Variants in UNK observed in about 807,000 individuals in gnomAD.
UNK encodes the protein RING finger protein unkempt homolog.
UNK carries 32 observed loss-of-function variants against 97.6 expected under a neutral mutation model. That is an observed-to-expected ratio of 0.33 (90% CI 0.25 to 0.44). The LOEUF (loss-of-function observed/expected upper bound fraction) is 0.44. Ranked by LOEUF, UNK falls within the 20% of genes least tolerant of loss-of-function variation. The probability of loss-of-function intolerance (pLI) is 1.00; values close to 1 mark genes in which losing one functional copy is unlikely to be tolerated. For missense variants in UNK, 771 were observed against 1,098.4 expected (o/e 0.70, Z 4.21); for synonymous variants, 441 against 461.2 (o/e 0.96, Z 0.56).
Position 75,818,530 on chromosome 17 carries a change from G to A in UNK, c.1372-112G>A. 7.8e-7 allele frequency: 1 copy of A among 1,280,030 alleles called. No individual in the cohort carries two copies. Among genetic ancestry groups the A allele is most frequent in the Non-Finnish European group, 1.1e-6 (1 of 946,178 alleles). The allele number at this position is 1,280,030 out of a possible 1,614,324, so 79.3% of individuals were successfully genotyped here. On this transcript the variant is annotated intron_variant, in intron 10 of 15. Transcript: ENST00000589666. The surrounding 1 kb of genome is among the most constrained non-coding windows in gnomAD (Gnocchi z 5.1). Reference sequence around the variant, plus strand: ...GCCCATGTGGGCATGGGGGCACCCGGACTAGAGCTAGCACGGGCCATTTCC... The same window carrying A: ...GCCCATGTGGGCATGGGGGCACCCGAACTAGAGCTAGCACGGGCCATTTCC...
At chr17:75,792,315 A>G (rs1415532024) in intron 1 of UNK, 1 of 985,046 alleles carries the variant, frequency 1.0e-6, no homozygotes, top group Admixed American at 6.2e-5. Context: ...TAATCCAGCT[A>G]TGGTTGATAC....
At chr17:75,801,843 C>G (rs2061862148) in intron 1 of UNK, among the ~76,000 whole-genome samples, 1 of 148,158 alleles carries the variant, frequency 6.7e-6, no homozygotes, top group Non-Finnish European at 1.5e-5. Context: ...GCACCCGGCT[C>G]CCCCCAGCCT....
intron 1 of UNK, among the ~76,000 whole-genome samples, chr17:75,796,379 C>T (rs929013544): frequency 4.0e-5 from 6 of 150,200 alleles, no homozygotes; most frequent in African/African-American, 1.2e-4. Context: ...AGTGCAGTGA[C>T]GTAATCATAG....
rs1486111895 is a variant in UNK, at chr17:75,798,261, G to A, written c.105-11499G>A. On this transcript the variant is annotated intron_variant, in intron 1 of 15. Transcript: ENST00000589666. Reference sequence around the variant, plus strand: ...AATTTTTGTATTTTTTAGTAGAGACGGGGTTTCGCCACGTTGGCCAGGCTG... The same window carrying A: ...AATTTTTGTATTTTTTAGTAGAGACAGGGTTTCGCCACGTTGGCCAGGCTG... Among the ~76,000 whole-genome samples the A allele has an allele frequency of 3.9e-5, 6 of 152,182 alleles. No individual in the cohort carries two copies. In the East Asian group the frequency reaches 9.7e-4, roughly 25 times the overall value.
Position 75,818,534 on chromosome 17 carries a change from A to G in UNK, c.1372-108A>G. 1.2e-5 allele frequency: 16 copies of G among 1,302,944 alleles called. No individual in the cohort carries two copies. In the South Asian group the frequency reaches 2.4e-4, roughly 19 times the overall value. 80.7% of individuals were successfully genotyped at this position (1,302,944 alleles called of 1,614,324 possible). A position where few individuals can be genotyped will look rare whatever the true frequency, so the allele number is the denominator to read the frequency against. ...ATGTGGGCATGGGGGCACCCGGACT[A>G]GAGCTAGCACGGGCCATTTCCCTTG... On this transcript the variant is annotated intron_variant, in intron 10 of 15. Coordinates refer to ENST00000589666, the MANE Select transcript of UNK (RefSeq NM_001080419.3). The surrounding 1 kb of genome is among the most constrained non-coding windows in gnomAD (Gnocchi z 5.1).
intron 1 of UNK, among the ~76,000 whole-genome samples, chr17:75,788,670 A>T (rs1054776763): frequency 2.0e-5 from 3 of 150,522 alleles, no homozygotes; most frequent in Non-Finnish European, 4.4e-5. Context: ...TTTTATTTTT[A>T]ATTTTTTTTT....
At position 75,817,211 on chromosome 17, in the gene UNK, C is replaced by T; in HGVS notation, c.1105-115C>T. The T allele has an allele frequency of 8.1e-7, 1 of 1,227,006 alleles. No individual in the cohort carries two copies. Among genetic ancestry groups the T allele is most frequent in the Non-Finnish European group, 1.1e-6 (1 of 891,774 alleles). The allele number at this position is 1,227,006 out of a possible 1,614,324, so 76.0% of individuals were successfully genotyped here. On this transcript the variant is annotated intron_variant, in intron 8 of 15. Transcript: ENST00000589666. This position sits in a 1 kb window ranked among gnomAD's most constrained non-coding sequence, Gnocchi z 5.8. ...CCGAGTGGTCACTGCTGCTCGTTGG[C>T]AGATGAAAGTGGAACTGAGCCCCTT...
chr17:75,794,169 TA>T, intron 1 of UNK: 1 of 970,628 alleles, frequency 1.0e-6, no homozygotes, highest in Non-Finnish European at 1.2e-6. Context: ...AAATGTATAT[TA>T]AATATCCAGT....
intron 1 of UNK, among the ~76,000 whole-genome samples, chr17:75,788,204 A>G (rs1351179908): frequency 1.3e-5 from 2 of 151,086 alleles, no homozygotes; most frequent in African/African-American, 2.4e-5. Context: ...TTTGGAGACA[A>G]AGTCTCACTC....
At position 75,809,793 on chromosome 17, in the gene UNK, A is replaced by G. The variant is rs2061951777; in HGVS notation, c.138A>G (p.Pro46=). The part of the protein sequence containing the change: ...YLKEFRTEQC[P]LFVQHKCTQH... ...AAGAATTCCGCACAGAGCAGTGCCC[A>G]CTCTTTGTGCAACACAAATGCACGC... Residue 46 remains proline, a synonymous_variant, in exon 2 of 16, where the codon CCA becomes CCG. Transcript: ENST00000589666. The G allele has an allele frequency of 5.6e-6, 9 of 1,612,804 alleles. No individual in the cohort carries two copies. The highest frequency in any genetic ancestry group is 1.1e-5 in the South Asian group (1 of 90,930).
chr17:75,796,459 C>T (rs1005839301), intron 1 of UNK, among the ~76,000 whole-genome samples: 1 of 152,004 alleles, frequency 6.6e-6, no homozygotes, highest in Non-Finnish European at 1.5e-5. Context: ...GCTGGGACTG[C>T]AGGTGTTTAC....
Position 75,819,030 on chromosome 17 carries a change from TAGAA to T in UNK, c.1546+218_1546+221del, listed in dbSNP as rs2062042306. 8 of 507,672 alleles carry T rather than the reference TAGAA, an allele frequency of 1.6e-5. No individual in the cohort carries two copies. The highest frequency in any genetic ancestry group is 8.1e-5 in the Admixed American group (2 of 24,716). The allele number at this position is 507,672 out of a possible 1,614,324, so 31.4% of individuals were successfully genotyped here. ...ACCCTTAGAGCTCCTTTGTGCAAAT[TAGAA>T]AGAGGTGCCTTTTCCCCTTGGTGAG... is the stretch of plus-strand genomic sequence containing the variant. On this transcript the variant is annotated intron_variant, in intron 11 of 15. Transcript: ENST00000589666. The surrounding 1 kb of genome is among the most constrained non-coding windows in gnomAD (Gnocchi z 5.4).
chr17:75,820,918 C>T (rs145639637), intron 13 of UNK, among the ~76,000 whole-genome samples: 31 of 152,316 alleles, frequency 2.0e-4, no homozygotes, highest in Non-Finnish European at 3.5e-4. Flanking sequence ...TATCTCATTC[C>T]TGATCCCAGA....
intron 2 of UNK, among the ~76,000 whole-genome samples, chr17:75,811,408 C>A (rs2061967979): frequency 6.6e-6 from 1 of 152,204 alleles, no homozygotes; most frequent in Non-Finnish European, 1.5e-5. Flanking sequence ...CAGCCTAGCA[C>A]CTCTTTCTCA....
rs535538810 is a variant in UNK at position 75,806,024 on chromosome 17, A to T, written c.105-3736A>T. Among the ~76,000 whole-genome samples, 3 of 147,028 alleles carry T rather than the reference A, an allele frequency of 2.0e-5. No individual in the cohort carries two copies. The Admixed American group carries it at 2.1e-4, about 10-fold the overall frequency. ...CACTTTGGGAGACTGAGGCGCTTGA[A>T]CCCCAGGGGCAGAGATTGCAGTGAG... On this transcript the variant is annotated intron_variant, in intron 1 of 15. Transcript: ENST00000589666.
chr17:75,787,507 C>CTT (rs573451271), intron 1 of UNK, among the ~76,000 whole-genome samples: 9 of 139,378 alleles, frequency 6.5e-5, no homozygotes, highest in Non-Finnish European at 9.4e-5. Context: ...CCACACCCAG[C>CTT]TTTTTTTTTT....
At chr17:75,813,330 G>T in intron 5 of UNK, 117 bp downstream of exon 5, 2 of 1,387,018 alleles carry the variant, frequency 1.4e-6, no homozygotes, top group South Asian at 1.5e-5. Flanking sequence ...GGGATGACAG[G>T]ATCGCAAGCC....
chr17:75,816,950 C>T lies in UNK; in HGVS notation c.1104+38C>T. The T allele has an allele frequency of 6.3e-7, 1 of 1,576,188 alleles. No individual in the cohort carries two copies. Among genetic ancestry groups the T allele is most frequent in the Non-Finnish European group, 8.6e-7 (1 of 1,167,014 alleles). ...CCTGGGGAGTGGGTGGGCACCATGC[C>T]TGACAGAGCCAATACTTGCCTCCTA... On this transcript the variant is annotated intron_variant, in intron 8 of 15. Coordinates refer to ENST00000589666, the MANE Select transcript of UNK (RefSeq NM_001080419.3). The surrounding 1 kb of genome is among the most constrained non-coding windows in gnomAD (Gnocchi z 4.0).
chr17:75,809,532 T>C (rs1531268), intron 1 of UNK, among the ~76,000 whole-genome samples: 18,620 of 152,246 alleles, frequency 0.12, 2,325 homozygotes, highest in East Asian at 0.38. Context: ...ACCGCCGAGG[T>C]CCCTGTGGTC....
Sources: allele counts gnomAD v4.1 joint callset (sites outside exome capture counted in the v4.1 genomes callset), GRCh38; gene constraint gnomAD v4.1.1; non-coding constraint Gnocchi (gnomAD v3.1); transcripts MANE v1.5; gene names NCBI Gene and HGNC (gene_info 2026-07-23, HGNC 2026-07-21).